NGF: variants seen among roughly 807,000 people sequenced by gnomAD.
The protein encoded by NGF is nerve growth factor.
NGF carries 4 observed loss-of-function variants against 12.8 expected under a neutral mutation model. The observed-to-expected ratio is 0.31, with a 90% CI of 0.15 to 0.72. The LOEUF is 0.72. NGF is among the 30% of genes least tolerant of loss of function. The pLI is 0.69. For missense variants in NGF, 283 were observed against 330.8 expected, an observed-to-expected ratio of 0.86 and a Z score of 1.12; for synonymous variants, 140 against 130.0, an observed-to-expected ratio of 1.08 and a Z score of -0.52.
intron 1 of NGF, among the ~76,000 whole-genome samples, chr1:115,316,406 T>C (rs1319749641): frequency 6.6e-6 from 1 of 152,310 alleles, no homozygotes; most frequent in African/African-American, 2.4e-5. Flanking sequence ...TCCTTGTTGA[T>C]TGTCCACTTG....
chr1:115,313,316 A>G (rs1180132388), intron 1 of NGF, among the ~76,000 whole-genome samples: 3 of 152,172 alleles, frequency 2.0e-5, no homozygotes, highest in Non-Finnish European at 4.4e-5. Context: ...AATATTCCCA[A>G]GGGGCTTGTA....
At chr1:115,297,829 A>T (rs932682513) in intron 1 of NGF, among the ~76,000 whole-genome samples, 1 of 151,802 alleles carries the variant, frequency 6.6e-6, no homozygotes, top group Non-Finnish European at 1.5e-5. Flanking sequence ...AGCTTTCCAC[A>T]CTCCTGCTGC....
chr1:115,321,448 C>G (rs915565143), intron 1 of NGF, among the ~76,000 whole-genome samples: 2 of 152,048 alleles, frequency 1.3e-5, no homozygotes, highest in Non-Finnish European at 2.9e-5. Flanking sequence ...AACAAAAGGA[C>G]TGAATTATTT....
chr1:115,312,301 A>T (rs934049275), intron 1 of NGF, among the ~76,000 whole-genome samples: 1 of 152,208 alleles, frequency 6.6e-6, no homozygotes. Context: ...GACTCAAGTG[A>T]TTATCTAGTT....
At chr1:115,301,585 A>C (rs949936841) in intron 1 of NGF, among the ~76,000 whole-genome samples, 1 of 152,166 alleles carries the variant, frequency 6.6e-6, no homozygotes, top group African/African-American at 2.4e-5. Context: ...CTCTGGCAGG[A>C]AGAAATCGCC....
At chr1:115,313,114 G>C (rs1376542435) in intron 1 of NGF, among the ~76,000 whole-genome samples, 2 of 152,168 alleles carry the variant, frequency 1.3e-5, no homozygotes, top group African/African-American at 4.8e-5. Flanking sequence ...TATAGAGAGA[G>C]GAAAAAGAAA....
chr1:115,287,527 CT>C (rs1227449542), intron 2 of NGF, among the ~76,000 whole-genome samples: 2 of 152,126 alleles, frequency 1.3e-5, no homozygotes, highest in African/African-American at 4.8e-5. Context: ...GTGTTCACTT[CT>C]ATCTTCTCAT....
intron 1 of NGF, among the ~76,000 whole-genome samples, chr1:115,295,945 G>C (rs1252226256): frequency 6.6e-6 from 1 of 152,222 alleles, no homozygotes; most frequent in Non-Finnish European, 1.5e-5. Context: ...CCTAAAGCAA[G>C]TAATCTAGAG....
intron 1 of NGF, among the ~76,000 whole-genome samples, chr1:115,312,223 C>G (rs979100795): frequency 6.6e-6 from 1 of 151,954 alleles, no homozygotes; most frequent in South Asian, 2.1e-4. Flanking sequence ...TGTGGTTCAC[C>G]GTAATTTTGT....
At chr1:115,292,892 A>C (rs1303095922) in intron 2 of NGF, among the ~76,000 whole-genome samples, 1 of 151,708 alleles carries the variant, frequency 6.6e-6, no homozygotes, top group Non-Finnish European at 1.5e-5. Flanking sequence ...CCATGATAGA[A>C]ATATGCAACC....
intron 1 of NGF, among the ~76,000 whole-genome samples, chr1:115,337,627 C>G (rs913188439): frequency 2.6e-5 from 4 of 152,060 alleles, no homozygotes; most frequent in Non-Finnish European, 5.9e-5. Context: ...CCCCGGGGCC[C>G]TCAGTCACGA....
intron 1 of NGF, among the ~76,000 whole-genome samples, chr1:115,317,275 A>G (rs1280537596): frequency 2.0e-5 from 3 of 152,284 alleles, no homozygotes; most frequent in Middle Eastern, 3.4e-3. Flanking sequence ...TCCATCCTAC[A>G]GCACATTAGC....
intron 1 of NGF, 72 bp downstream of exon 1, chr1:115,338,132 C>G (rs1427299704): frequency 6.5e-6 from 1 of 152,696 alleles, no homozygotes. Context: ...AACTCTCCCG[C>G]GAAGCCCAGC....
chr1:115,335,134 T>C (rs1311820443), intron 1 of NGF, among the ~76,000 whole-genome samples: 1 of 152,256 alleles, frequency 6.6e-6, no homozygotes, highest in Admixed American at 6.5e-5. Context: ...TTGCATGTTT[T>C]CATTCTTCTG....
intron 1 of NGF, among the ~76,000 whole-genome samples, chr1:115,319,727 C>T (rs1406914798): frequency 1.3e-5 from 2 of 152,204 alleles, no homozygotes; most frequent in Middle Eastern, 3.2e-3. Context: ...ATCTCCTAAA[C>T]CATGCCCTCA....
intron 1 of NGF, among the ~76,000 whole-genome samples, 170 bp downstream of exon 1, chr1:115,338,034 A>T (rs1557951296): frequency 6.6e-6 from 1 of 151,768 alleles, no homozygotes. Context: ...GCGCCCCCAC[A>T]CCCACTCGGG....
intron 1 of NGF, among the ~76,000 whole-genome samples, chr1:115,334,974 T>G (rs2101059391): frequency 6.6e-6 from 1 of 152,302 alleles, no homozygotes; most frequent in Non-Finnish European, 1.5e-5. Context: ...AACAGGAAGT[T>G]TACCCAAAAT....
intron 1 of NGF, among the ~76,000 whole-genome samples, chr1:115,309,226 G>T (rs888592752): frequency 3.3e-5 from 5 of 152,144 alleles, no homozygotes; most frequent in Admixed American, 3.3e-4. Context: ...TGCTTATTTA[G>T]CAAGCCAGGA....
chr1:115,317,585 T>C (rs934655085), intron 1 of NGF, among the ~76,000 whole-genome samples: 3 of 152,336 alleles, frequency 2.0e-5, no homozygotes, highest in South Asian at 2.1e-4. Flanking sequence ...AAGGAAACAA[T>C]GCCACTGTGT....
Sources: allele counts gnomAD v4.1 joint callset (sites outside exome capture counted in the v4.1 genomes callset), GRCh38; gene constraint gnomAD v4.1.1; transcripts MANE v1.5; gene names NCBI Gene and HGNC (gene_info 2026-07-23, HGNC 2026-07-21).